The following DENND4C variants were observed in gnomAD, a reference collection of about 807,000 sequenced individuals.
The protein encoded by DENND4C is DENN domain-containing protein 4C.
A neutral mutation model predicts 203.0 loss-of-function variants in DENND4C; 108 were observed. The observed-to-expected ratio is 0.53, with a 90% confidence interval of 0.46 to 0.62. The LOEUF is 0.62. Ranked by LOEUF, DENND4C falls within the 20% of genes least tolerant of loss-of-function variation. The pLI is 0.00. For missense variants in DENND4C, 2,481 were observed against 2,301.2 expected, an observed-to-expected ratio of 1.08 and a Z score of -1.60; for synonymous variants, 871 against 792.4, an observed-to-expected ratio of 1.10 and a Z score of -1.67.
At chr9:19,308,147 G>T (rs10757052) in intron 10 of DENND4C, among the ~76,000 whole-genome samples, 31,625 of 152,080 alleles carry the variant, frequency 0.21, 4,040 homozygotes, top group Non-Finnish European at 0.3. Flanking sequence ...GAACAAAGCT[G>T]TTCTGATCAT....
In DENND4C at chr9:19,350,688, T is replaced by C; in HGVS notation, c.4318-14T>C. ...ATTATTTATGTATGTGGAATTTTTT[T>C]TTTTCAATTAAAGGAAGAAACTAAT... On this transcript the variant is annotated splice_polypyrimidine_tract_variant and intron_variant, in intron 23 of 32. Transcript: ENST00000434457. The C allele has an allele frequency of 6.3e-7, 1 of 1,596,190 alleles. No individual in the cohort carries two copies.
intron 2 of DENND4C, among the ~76,000 whole-genome samples, chr9:19,281,067 A>G (rs1236831744): frequency 1.3e-5 from 2 of 152,110 alleles, no homozygotes; most frequent in Admixed American, 6.6e-5. Flanking sequence ...CCATCTTTTG[A>G]CAAGCCCACC....
At chr9:19,252,038 A>C (rs899802643) in intron 1 of DENND4C, among the ~76,000 whole-genome samples, 1 of 152,134 alleles carries the variant, frequency 6.6e-6, no homozygotes, top group African/African-American at 2.4e-5. Context: ...GTACCAATTT[A>C]CTGTATTAGT....
chr9:19,245,513 C>G (rs538720266), intron 1 of DENND4C, among the ~76,000 whole-genome samples: 1 of 147,836 alleles, frequency 6.8e-6, no homozygotes, highest in Non-Finnish European at 1.5e-5. Context: ...ATAGTCAGGA[C>G]GGAGAACCAT....
At chr9:19,371,409 A>T (rs1036384841) in intron 31 of DENND4C, 7 of 159,868 alleles carry the variant, frequency 4.4e-5, no homozygotes, top group African/African-American at 1.7e-4. Flanking sequence ...TTTATTTAGA[A>T]ATTAGAGTTA....
Position 19,372,289 on chromosome 9 carries a change from C to G in DENND4C, c.*116C>G, listed in dbSNP as rs1185296754. 1 of 1,250,366 alleles carries G rather than the reference C, an allele frequency of 8.0e-7. No individual in the cohort carries two copies. The highest frequency in any genetic ancestry group is 1.1e-6 in the Non-Finnish European group (1 of 900,400). The allele number at this position is 1,250,366 out of a possible 1,614,324, so 77.5% of individuals were successfully genotyped here. A position where few individuals can be genotyped will look rare whatever the true frequency, so the allele number is the denominator to read the frequency against. ...TGGTGAATACGGAATTGAAGTAACTCTTGGGGACAATATATAATGAATTAT... is the reference window on the plus strand; with the variant it reads ...TGGTGAATACGGAATTGAAGTAACTGTTGGGGACAATATATAATGAATTAT... On this transcript the variant is annotated 3_prime_UTR_variant, in exon 33 of 33. Coordinates refer to ENST00000434457, the MANE Select transcript of DENND4C (RefSeq NM_001330640.2).
intron 15 of DENND4C, 96 bp downstream of exon 15, chr9:19,326,290 T>C: frequency 8.4e-6 from 11 of 1,313,222 alleles, no homozygotes; most frequent in Non-Finnish European, 1.1e-5. Flanking sequence ...GTGAAACTCA[T>C]TTTCAGTATT....
chr9:19,233,943 T>A (rs1406620127), intron 1 of DENND4C, among the ~76,000 whole-genome samples: 1 of 152,192 alleles, frequency 6.6e-6, no homozygotes. Flanking sequence ...AAGAAAAAAT[T>A]TAAATTACTC....
chr9:19,247,587 G>T (rs1363025039), intron 1 of DENND4C, among the ~76,000 whole-genome samples: 2 of 152,094 alleles, frequency 1.3e-5, no homozygotes, highest in Non-Finnish European at 2.9e-5. Context: ...TTGAGACTGG[G>T]TCTTGCTGTG....
At chr9:19,308,340 G>C (rs940524377) in intron 10 of DENND4C, among the ~76,000 whole-genome samples, 1 of 152,146 alleles carries the variant, frequency 6.6e-6, no homozygotes, top group African/African-American at 2.4e-5. Context: ...GCCAACACTT[G>C]TGGTGACTTT....
chr9:19,289,021 T>C (rs1835758416), intron 4 of DENND4C, among the ~76,000 whole-genome samples: 2 of 152,322 alleles, frequency 1.3e-5, no homozygotes, highest in East Asian at 3.9e-4. Context: ...AACTGCGTCT[T>C]TACTTCTTAT....
chr9:19,367,412 C>T (rs1827909126), intron 30 of DENND4C, among the ~76,000 whole-genome samples: 1 of 152,184 alleles, frequency 6.6e-6, no homozygotes, highest in Admixed American at 6.5e-5. Context: ...TGCATAATAG[C>T]CAAAAATACG....
Position 19,328,139 on chromosome 9 carries a change from C to G in DENND4C, c.2230C>G (p.Leu744Val), listed in dbSNP as rs765094556. The G allele has an allele frequency of 2.5e-6, 4 of 1,609,788 alleles. No homozygotes were observed. Among genetic ancestry groups the G allele is most frequent in the Non-Finnish European group, 2.5e-6 (3 of 1,178,862 alleles). ...TGNSITKSPP[L>V]MAKRTKQEIK... Reference sequence around the variant, plus strand: ...GAATAGCATTACAAAGAGTCCACCTCTCATGGCTAAGAGAACTAAACAGGT... The same window carrying G: ...GAATAGCATTACAAAGAGTCCACCTGTCATGGCTAAGAGAACTAAACAGGT... The change falls in exon 16 of 33, where the codon CTC becomes GTC. Residue 744 changes from leucine (L) to valine (V), a missense_variant. Transcript: ENST00000434457.
chr9:19,371,681 T>C (rs1159857632), intron 31 of DENND4C, 75 bp from the exon 32 acceptor site: 1 of 751,342 alleles, frequency 1.3e-6, no homozygotes, highest in African/African-American at 1.8e-5. Context: ...ACTTAATGTC[T>C]TCACCATTAA....
At position 19,316,649 on chromosome 9, in the gene DENND4C, G is replaced by A. The variant is rs373165414; in HGVS notation, c.1617G>A (p.Ala539=). 20 of 1,613,956 alleles carry A rather than the reference G, an allele frequency of 1.2e-5. No individual in the cohort carries two copies. The African/African-American group carries it at 2.0e-4, about 16-fold the overall frequency. Residue 539 remains alanine (A), a synonymous_variant, in exon 12 of 33, where the codon GCG becomes GCA. Coordinates refer to ENST00000434457, the MANE Select transcript of DENND4C (RefSeq NM_001330640.2). ...SVHQKTQEGS[A]IDMTPIEADF... is the part of the protein sequence containing the mutation. ...ACCAAAAAACTCAAGAAGGCTCAGC[G>A]ATTGACATGACTCCAATTGAAGCAG...
chr9:19,366,384 G>A (rs923077885), intron 30 of DENND4C, among the ~76,000 whole-genome samples: 6 of 152,102 alleles, frequency 3.9e-5, no homozygotes, highest in African/African-American at 4.8e-5. Context: ...GGCGGATCAC[G>A]AGGTCAGGAG....
chr9:19,322,824 C>T (rs1390605540), intron 12 of DENND4C, among the ~76,000 whole-genome samples: 1 of 151,828 alleles, frequency 6.6e-6, no homozygotes, highest in Non-Finnish European at 1.5e-5. Flanking sequence ...CCCAAAAAAC[C>T]CTAAAACACT....
chr9:19,285,032 C>T (rs1211342306), intron 2 of DENND4C, among the ~76,000 whole-genome samples: 2 of 152,106 alleles, frequency 1.3e-5, no homozygotes, highest in Non-Finnish European at 2.9e-5. Flanking sequence ...GGGGGATCCC[C>T]TTCTGGTGTG....
At chr9:19,253,287 C>T (rs1299302213) in intron 1 of DENND4C, among the ~76,000 whole-genome samples, 3 of 152,196 alleles carry the variant, frequency 2.0e-5, no homozygotes, top group Admixed American at 2.0e-4. Context: ...TAGTGGCAGC[C>T]TGCATTCTCT....
Sources: gnomAD v4.1 joint callset for allele counts (sites outside exome capture counted in the v4.1 genomes callset) on GRCh38, gnomAD v4.1.1 for gene constraint, MANE v1.5 for transcripts, NCBI Gene and HGNC (gene_info 2026-07-23, HGNC 2026-07-21) for gene names.